CCDC9: variants seen among roughly 807,000 people sequenced by gnomAD.
CCDC9 encodes coiled-coil domain containing 9.
A neutral mutation model predicts 65.6 loss-of-function variants in CCDC9; 52 were observed. The ratio of observed to expected loss-of-function variants is 0.79; its 90% CI spans 0.63 to 1.00. The LOEUF is 1.00. CCDC9 is among the 50% of genes least tolerant of loss of function. The pLI is 0.00. For synonymous variants in CCDC9, 332 were observed against 280.3 expected (o/e 1.18, Z -1.84); for missense variants, 834 against 757.2 (o/e 1.10, Z -1.19).
chr19:47,272,585 G>A (rs1267960050), downstream of CCDC9, among the ~76,000 whole-genome samples: 1 of 152,134 alleles, frequency 6.6e-6, no homozygotes, highest in African/African-American at 2.4e-5. Context: ...TCGCTCCACT[G>A]TACTCCCACC....
chr19:47,271,978 G>C, downstream of CCDC9: 2 of 1,260,038 alleles, frequency 1.6e-6, no homozygotes, highest in African/African-American at 1.5e-5. Context: ...GTGTGTCCTT[G>C]AACCCCCTTC....
chr19:47,261,891 C>T (rs1353242248), intron 5 of CCDC9, among the ~76,000 whole-genome samples: 1 of 144,220 alleles, frequency 6.9e-6, no homozygotes, highest in Non-Finnish European at 1.5e-5. Flanking sequence ...TGTGGTGGCA[C>T]ACGCCTGTAA....
chr19:47,258,513 G>A (rs2059025511), intron 2 of CCDC9, 46 bp from the exon 3 acceptor site: 1 of 1,603,570 alleles, frequency 6.2e-7, no homozygotes, highest in Non-Finnish European at 8.5e-7. Flanking sequence ...TCCCTGGTAT[G>A]GATGGAGGTT....
intron 7 of CCDC9, chr19:47,266,162 AT>A: frequency 6.5e-6 from 1 of 152,732 alleles, no homozygotes; most frequent in South Asian, 2.0e-4. Context: ...CGCCCAGCTA[AT>A]TTTTTGTATT....
chr19:47,261,837 A>G (rs941004477), intron 5 of CCDC9, among the ~76,000 whole-genome samples: 1 of 151,562 alleles, frequency 6.6e-6, no homozygotes, highest in African/African-American at 2.4e-5. Flanking sequence ...CCTGGCCAAC[A>G]TGGCGAAACC....
intron 10 of CCDC9, among the ~76,000 whole-genome samples, 195 bp downstream of exon 10, chr19:47,270,883 C>T (rs932276638): frequency 1.3e-4 from 20 of 152,106 alleles, no homozygotes; most frequent in East Asian, 1.9e-4. Flanking sequence ...CCCTTTCTGC[C>T]GTCACCCATC....
At position 47,271,400 on chromosome 19, in the gene CCDC9, G is replaced by A. The variant is rs747721000; in HGVS notation, c.1318G>A (p.Glu440Lys). Reference protein sequence around the residue: ...DEEEEEIEVEEGDEEEPAQDH... With the variant: ...DEEEEEIEVEKGDEEEPAQDH... Reference sequence around the variant, plus strand: ...GGAAGAGGAGGAGATCGAGGTGGAAGAAGGTGATGAGGAGGAACCAGCCCA... The same window carrying A: ...GGAAGAGGAGGAGATCGAGGTGGAAAAAGGTGATGAGGAGGAACCAGCCCA... The change falls in exon 12 of 12, where the codon GAA becomes AAA. Residue 440 changes from glutamate (E) to lysine (K), a missense_variant. Glu to Lys is a moderately conservative substitution (Grantham distance 56, BLOSUM62 1). Coordinates refer to ENST00000221922, the MANE Select transcript of CCDC9 (RefSeq NM_015603.3). 51 of 1,611,704 alleles carry A rather than the reference G, an allele frequency of 3.2e-5. No homozygotes were observed. Among genetic ancestry groups the A allele is most frequent in the Middle Eastern group, 3.3e-4 (2 of 6,078 alleles).
intron 8 of CCDC9, among the ~76,000 whole-genome samples, chr19:47,268,725 G>A (rs777972543): frequency 6.6e-6 from 1 of 151,862 alleles, no homozygotes; most frequent in Non-Finnish European, 1.5e-5. Flanking sequence ...AAACCATCCT[G>A]GCTAACACGG....
chr19:47,260,133 G>A (rs1020038136), intron 3 of CCDC9, among the ~76,000 whole-genome samples, 188 bp from the exon 4 acceptor site: 1 of 152,156 alleles, frequency 6.6e-6, no homozygotes, highest in East Asian at 1.9e-4. Flanking sequence ...TACTCAGAGG[G>A]GCACCACAGG....
chr19:47,270,499 G>A (rs71363731), intron 9 of CCDC9, 46 bp downstream of exon 9: 22,479 of 1,613,996 alleles, frequency 0.014, 208 homozygotes, highest in Non-Finnish European at 0.016. Context: ...CTGGGAGTCA[G>A]GGGTGGTGTG....
chr19:47,264,353 A>G (rs1170385906), intron 5 of CCDC9, among the ~76,000 whole-genome samples: 9 of 152,274 alleles, frequency 5.9e-5, no homozygotes, highest in South Asian at 2.1e-4. Context: ...TCTGTCTAGT[A>G]TGTACTGAAA....
intron 1 of CCDC9, chr19:47,257,572 G>C (rs1409934862): frequency 2.0e-5 from 3 of 152,468 alleles, no homozygotes; most frequent in African/African-American, 7.2e-5. Context: ...AGAAAATCTG[G>C]GGCGGGCCTG....
At chr19:47,273,973 C>G, downstream of CCDC9, 3 of 984,956 alleles carry the variant, frequency 3.0e-6, no homozygotes, top group African/African-American at 1.7e-5. Context: ...CAGGCCTCCC[C>G]GAATTCCTGA....
intron 1 of CCDC9, among the ~76,000 whole-genome samples, chr19:47,256,938 GAA>G (rs1250622157): frequency 1.3e-5 from 2 of 151,942 alleles, no homozygotes; most frequent in Non-Finnish European, 2.9e-5. Flanking sequence ...GGCGGGGCCA[GAA>G]AGTTTTGCCT....
intron 1 of CCDC9, 160 bp from the exon 2 acceptor site, chr19:47,258,170 G>A: frequency 3.4e-6 from 2 of 593,858 alleles, no homozygotes; most frequent in South Asian, 2.0e-5. Flanking sequence ...TTTCTATGGA[G>A]AAGATGGAGG....
At chr19:47,260,244 G>C (rs2059035916) in intron 3 of CCDC9, 77 bp from the exon 4 acceptor site, 1 of 1,038,958 alleles carries the variant, frequency 9.6e-7, no homozygotes, top group African/African-American at 1.6e-5. Context: ...CCAGACTTAG[G>C]AGGAGTTCAG....
At chr19:47,262,180 C>T (rs2059050250) in intron 5 of CCDC9, among the ~76,000 whole-genome samples, 1 of 150,110 alleles carries the variant, frequency 6.7e-6, no homozygotes, top group South Asian at 2.1e-4. Context: ...GGCCCTGCTC[C>T]ATGATGTCAC....
At position 47,260,803 on chromosome 19, in the gene CCDC9, A is replaced by G; in HGVS notation, c.426A>G (p.Gly142=). ...GCCGAGGTTCACCTCACCTCTCTGGAGCTGGAGACACCTCAATCTCTGACC... is the reference window on the plus strand; with the variant it reads ...GCCGAGGTTCACCTCACCTCTCTGGGGCTGGAGACACCTCAATCTCTGACC... ...GRGRGSPHLS[G]AGDTSISDRK... is the part of the protein sequence containing the mutation. Residue 142 remains glycine (G), a synonymous_variant, in exon 5 of 12, where the codon GGA becomes GGG. Coordinates refer to ENST00000221922, the MANE Select transcript of CCDC9 (RefSeq NM_015603.3). The G allele has an allele frequency of 6.2e-7, 1 of 1,613,302 alleles. No individual in the cohort carries two copies.
chr19:47,274,349 T>C (rs1391641576), downstream of CCDC9: 2 of 32,776 alleles, frequency 6.1e-5, no homozygotes, highest in East Asian at 6.2e-4. Context: ...GCTCTGGCCA[T>C]GGGCATGGGG....
Sources: allele counts gnomAD v4.1 joint callset (sites outside exome capture counted in the v4.1 genomes callset), GRCh38; gene constraint gnomAD v4.1.1; transcripts MANE v1.5; gene names NCBI Gene and HGNC (gene_info 2026-07-23, HGNC 2026-07-21).